SLC25A37: variants seen among roughly 807,000 people sequenced by gnomAD.
SLC25A37 encodes the protein solute carrier family 25 member 37, also known as mitoferrin-1.
A neutral mutation model predicts 31.0 loss-of-function variants in SLC25A37; 17 were observed. The ratio of observed to expected loss-of-function variants is 0.55; its 90% confidence interval spans 0.38 to 0.82. The LOEUF (loss-of-function observed/expected upper bound fraction) is 0.82, where lower values mean the gene tolerates loss of function less well. Ranked by LOEUF, SLC25A37 falls within the 40% of genes least tolerant of loss-of-function variation. The pLI, the probability that SLC25A37 is intolerant of heterozygous loss-of-function variation, is 0.00. For synonymous variants in SLC25A37, 222 were observed against 193.0 expected (o/e 1.15, Z -1.24); for missense variants, 404 against 465.8 (o/e 0.87, Z 1.22).
Position 23,571,555 on chromosome 8 carries a change from C to T in SLC25A37, c.717C>T (p.Ile239=), listed in dbSNP as rs1202442560. 4 of 1,613,880 alleles carry T rather than the reference C, an allele frequency of 2.5e-6. No homozygotes were observed. Among genetic ancestry groups the T allele is most frequent in the Non-Finnish European group, 3.4e-6 (4 of 1,179,840 alleles). ...HRTYNPQSHI[I]SGGLAGALAA... Reference sequence around the variant, plus strand: ...CCTACAACCCGCAGTCCCACATCATCTCAGGCGGGCTGGCCGGGGCCCTCG... The same window carrying T: ...CCTACAACCCGCAGTCCCACATCATTTCAGGCGGGCTGGCCGGGGCCCTCG... Residue 239 remains isoleucine (I), a synonymous_variant, in exon 4 of 4, where the codon ATC becomes ATT. Coordinates refer to ENST00000519973, the MANE Select transcript of SLC25A37 (RefSeq NM_016612.4).
At chr8:23,549,793 C>A (rs1225037067) in intron 1 of SLC25A37, among the ~76,000 whole-genome samples, 1 of 102,856 alleles carries the variant, frequency 9.7e-6, no homozygotes, top group Non-Finnish European at 1.7e-5. Context: ...CCTGGCATCT[C>A]TAAATTCCAG....
At chr8:23,545,155 A>G (rs1239311518) in intron 1 of SLC25A37, among the ~76,000 whole-genome samples, 1 of 152,164 alleles carries the variant, frequency 6.6e-6, no homozygotes, top group East Asian at 1.9e-4. Flanking sequence ...GGGCAAAGAG[A>G]GACTTGAGGA....
chr8:23,532,481 TGAG>T (rs375805736), intron 1 of SLC25A37, among the ~76,000 whole-genome samples: 13 of 152,234 alleles, frequency 8.5e-5, no homozygotes, highest in East Asian at 7.7e-4. Context: ...GCTCAAGACT[TGAG>T]GAGCATGCCA....
chr8:23,571,778 G>A lies in SLC25A37; in HGVS notation c.940G>A (p.Ala314Thr), dbSNP rs746602617. ...ARVIYQMPST[A>T]ISWSVYEFFK... ...TGTCATCTACCAGATGCCCTCCACC[G>A]CCATTTCTTGGTCTGTCTATGAGTT... The change falls in exon 4 of 4, where the codon GCC becomes ACC. Residue 314 changes from alanine to threonine, a missense_variant. Coordinates refer to ENST00000519973, the MANE Select transcript of SLC25A37 (RefSeq NM_016612.4). 6.2e-7 allele frequency: 1 copy of A among 1,613,888 alleles called. No homozygotes were observed. Among genetic ancestry groups the A allele is most frequent in the African/African-American group, 1.3e-5 (1 of 74,926 alleles).
chr8:23,551,368 T>A (rs1157377277), intron 1 of SLC25A37, among the ~76,000 whole-genome samples: 1 of 152,082 alleles, frequency 6.6e-6, no homozygotes, highest in Non-Finnish European at 1.5e-5. Context: ...GTCCCCTTGC[T>A]CTTTGGGGCC....
intron 1 of SLC25A37, among the ~76,000 whole-genome samples, chr8:23,534,163 G>A (rs1394639762): frequency 6.6e-6 from 1 of 152,032 alleles, no homozygotes; most frequent in South Asian, 2.1e-4. Context: ...TTGTTGCCCA[G>A]ACTGGTCTTG....
intron 1 of SLC25A37, among the ~76,000 whole-genome samples, chr8:23,544,867 T>C (rs988517233): frequency 1.3e-5 from 2 of 152,138 alleles, no homozygotes. Flanking sequence ...CTTAATTCCC[T>C]GTTTGACTGC....
intron 1 of SLC25A37, among the ~76,000 whole-genome samples, chr8:23,557,241 A>G (rs1318886129): frequency 6.6e-6 from 1 of 152,156 alleles, no homozygotes; most frequent in Non-Finnish European, 1.5e-5. Flanking sequence ...CAAGGAGCCT[A>G]GGAAGGGAGC....
chr8:23,536,655 A>G (rs1270587920), intron 1 of SLC25A37, among the ~76,000 whole-genome samples: 1 of 151,894 alleles, frequency 6.6e-6, no homozygotes, highest in Non-Finnish European at 1.5e-5. Context: ...GCCTCCTCAG[A>G]CTCAGTGTGG....
intron 3 of SLC25A37, among the ~76,000 whole-genome samples, chr8:23,570,155 C>A (rs1197909200): frequency 1.3e-5 from 2 of 152,086 alleles, no homozygotes; most frequent in Non-Finnish European, 2.9e-5. Flanking sequence ...ATCACCTTCT[C>A]CATTCCCCTT....
chr8:23,553,672 C>T (rs1467176011), intron 1 of SLC25A37, among the ~76,000 whole-genome samples: 1 of 152,196 alleles, frequency 6.6e-6, no homozygotes, highest in African/African-American at 2.4e-5. Flanking sequence ...TGTCAAGATG[C>T]CCCTCTGTGA....
intron 1 of SLC25A37, among the ~76,000 whole-genome samples, chr8:23,544,397 G>A (rs563625359): frequency 7.9e-5 from 12 of 152,242 alleles, no homozygotes; most frequent in African/African-American, 2.9e-4. Flanking sequence ...ACATATCCCC[G>A]TCATTTGCGA....
In SLC25A37 at chr8:23,529,103, A is replaced by T. The variant is rs1249149606; in HGVS notation, c.101A>T (p.Glu34Val). The change falls in exon 1 of 4, where the codon GAG becomes GTG. Residue 34 changes from glutamate to valine, a missense_variant. Physicochemically the swap from Glu to Val is moderately radical, Grantham distance 121. This residue lies in a region of SLC25A37 where 154 missense variants were observed against 153.6 expected (regional missense o/e 1.00). Transcript: ENST00000519973. This position sits in a 1 kb window ranked among gnomAD's most constrained non-coding sequence, Gnocchi z 4.1. Reference protein sequence around the residue: ...GGGGKDATGSEDYENLPTSAS... With the variant: ...GGGGKDATGSVDYENLPTSAS... ...GGCGGCAAGGACGCCACCGGGTCGG[A>T]GGACTACGAGAACCTGCCGACTAGC... 1 of 1,609,146 alleles carries T rather than the reference A, an allele frequency of 6.2e-7. No homozygotes were observed. The highest frequency in any genetic ancestry group is 8.5e-7 in the Non-Finnish European group (1 of 1,178,500).
Position 23,571,330 on chromosome 8 carries a change from C to G in SLC25A37, c.497-5C>G, listed in dbSNP as rs368274760. On this transcript the variant is annotated splice_region_variant and splice_polypyrimidine_tract_variant and intron_variant, in intron 3 of 3. Coordinates refer to ENST00000519973, the MANE Select transcript of SLC25A37 (RefSeq NM_016612.4). ...GTCTGGCCTGCCCCGCGGTTCCAAC[C>G]ACAGTGGTGAAGCAGCGCTTGCAGA... The G allele has an allele frequency of 4.3e-5, 68 of 1,566,264 alleles. No homozygotes were observed. The highest frequency in any genetic ancestry group is 5.9e-5 in the Non-Finnish European group (68 of 1,155,250).
In SLC25A37 at chr8:23,529,001, G is replaced by A. The variant is rs754422257; in HGVS notation, c.-2G>A. 4.0e-6 allele frequency: 6 copies of A among 1,504,310 alleles called. No homozygotes were observed. 93.2% of individuals were successfully genotyped at this position (1,504,310 alleles called of 1,614,324 possible). ...GCCTCCTGCGCCCCGCCGAGCTGGCGGATGGAGCTGCGCAGCGGGAGCGTG... is the reference window on the plus strand; with the variant it reads ...GCCTCCTGCGCCCCGCCGAGCTGGCAGATGGAGCTGCGCAGCGGGAGCGTG... On this transcript the variant is annotated 5_prime_UTR_variant, in exon 1 of 4. Coordinates refer to ENST00000519973, the MANE Select transcript of SLC25A37 (RefSeq NM_016612.4). This position sits in a 1 kb window ranked among gnomAD's most constrained non-coding sequence, Gnocchi z 4.1.
intron 1 of SLC25A37, among the ~76,000 whole-genome samples, chr8:23,550,992 G>A (rs1286045622): frequency 2.0e-5 from 3 of 152,218 alleles, no homozygotes; most frequent in Non-Finnish European, 4.4e-5. Flanking sequence ...GCTCTCAGCA[G>A]CAGGGAGGGC....
intron 1 of SLC25A37, among the ~76,000 whole-genome samples, chr8:23,560,126 G>A (rs1243800961): frequency 6.6e-6 from 1 of 152,148 alleles, no homozygotes; most frequent in East Asian, 1.9e-4. Flanking sequence ...AAATCAGCTG[G>A]GTGTGGTGGT....
intron 1 of SLC25A37, among the ~76,000 whole-genome samples, chr8:23,550,482 T>C (rs777608967): frequency 6.6e-6 from 1 of 152,210 alleles, no homozygotes; most frequent in Non-Finnish European, 1.5e-5. Flanking sequence ...AATAGGCTAA[T>C]AGCGGGGTGT....
intron 1 of SLC25A37, among the ~76,000 whole-genome samples, chr8:23,555,765 C>T (rs1040284741): frequency 2.6e-5 from 4 of 152,136 alleles, no homozygotes; most frequent in South Asian, 4.1e-4. Context: ...TGGGACCATT[C>T]GGGGACATTG....
Sources: gnomAD v4.1 joint callset for allele counts (sites outside exome capture counted in the v4.1 genomes callset) on GRCh38, gnomAD v4.1.1 for gene constraint, gnomAD v4.1.1 regional missense constraint, Gnocchi (gnomAD v3.1) non-coding constraint, MANE v1.5 for transcripts, NCBI Gene and HGNC (gene_info 2026-07-23, HGNC 2026-07-21) for gene names.